Variants in POU6F2 observed in about 807,000 individuals in gnomAD.
The protein encoded by POU6F2 is POU domain, class 6, transcription factor 2.
Under a neutral mutation model 71.3 loss-of-function variants are expected in POU6F2, and 31 were observed. That is an observed-to-expected ratio of 0.43 (90% CI 0.33 to 0.59). The LOEUF is 0.59. Among genes scored for constraint, POU6F2 ranks in the 20% least tolerant of loss-of-function variants. The probability of loss-of-function intolerance (pLI) is 0.04; values close to 1 mark genes in which losing one functional copy is unlikely to be tolerated. For missense variants in POU6F2, 783 were observed against 856.8 expected (o/e 0.91, Z 1.07); for synonymous variants, 347 against 355.7 (o/e 0.98, Z 0.27).
intron 2 of POU6F2, among the ~76,000 whole-genome samples, chr7:39,118,724 T>C (rs1584551662): frequency 1.3e-5 from 2 of 152,208 alleles, no homozygotes; most frequent in Admixed American, 1.3e-4. Context: ...AATTATCAAA[T>C]AAATAATACA....
intron 5 of POU6F2, among the ~76,000 whole-genome samples, chr7:39,372,132 C>T (rs1371384027): frequency 6.6e-6 from 1 of 152,114 alleles, no homozygotes; most frequent in African/African-American, 2.4e-5. Context: ...TGTTGCCCAA[C>T]CTTGTCTCAA....
At chr7:39,284,552 T>C (rs527413618) in intron 4 of POU6F2, among the ~76,000 whole-genome samples, 4 of 152,374 alleles carry the variant, frequency 2.6e-5, no homozygotes, top group Non-Finnish European at 4.4e-5. Context: ...CTGACATACT[T>C]GGTGACAGCA....
At chr7:39,088,636 T>C (rs1791304313) in intron 2 of POU6F2, among the ~76,000 whole-genome samples, 1 of 152,212 alleles carries the variant, frequency 6.6e-6, no homozygotes, top group Non-Finnish European at 1.5e-5. Context: ...CACCGTATTA[T>C]TGAAAATTGG....
At chr7:39,038,159 T>G (rs1014348754) in intron 1 of POU6F2, among the ~76,000 whole-genome samples, 2 of 152,094 alleles carry the variant, frequency 1.3e-5, no homozygotes, top group Non-Finnish European at 2.9e-5. Context: ...ATAGGATTGT[T>G]TCTTCCACTT....
At chr7:39,191,112 A>G (rs922083632) in intron 2 of POU6F2, among the ~76,000 whole-genome samples, 1 of 152,208 alleles carries the variant, frequency 6.6e-6, no homozygotes, top group Admixed American at 6.5e-5. Flanking sequence ...AATGAGTACT[A>G]ACGTATTTTA....
At chr7:39,231,606 G>A (rs867507210) in intron 4 of POU6F2, among the ~76,000 whole-genome samples, 6 of 151,914 alleles carry the variant, frequency 3.9e-5, no homozygotes, top group African/African-American at 1.5e-4. Flanking sequence ...AGAGTTAAGC[G>A]GGTCTCTATG....
chr7:39,026,929 A>G (rs565234118), intron 1 of POU6F2, among the ~76,000 whole-genome samples: 52 of 152,212 alleles, frequency 3.4e-4, no homozygotes, highest in African/African-American at 1.2e-3. Flanking sequence ...GAAATTGCCA[A>G]ACTACATAAC....
intron 1 of POU6F2, among the ~76,000 whole-genome samples, chr7:39,017,859 T>C (rs971023089): frequency 1.3e-5 from 2 of 148,814 alleles, no homozygotes; most frequent in Admixed American, 6.7e-5. Flanking sequence ...GTGGATTTTT[T>C]TCAGAATTAT....
chr7:39,111,742 G>A (rs1351093677), intron 2 of POU6F2, among the ~76,000 whole-genome samples: 1 of 151,990 alleles, frequency 6.6e-6, no homozygotes, highest in Non-Finnish European at 1.5e-5. Flanking sequence ...GAAGATAAAG[G>A]GTTTTACAAT....
Position 39,131,214 on chromosome 7 carries a change from T to G in POU6F2, c.277+45183T>G, listed in dbSNP as rs140585164. Among the ~76,000 whole-genome samples the G allele has an allele frequency of 2.0e-3, 297 of 152,046 alleles. 1 individual carries two copies. The highest frequency in any genetic ancestry group is 7.0e-3 in the African/African-American group (290 of 41,460). The stretch of plus-strand genomic sequence containing the variant: ...TTCCCCTTCCCCTCCTGAACCAGAG[T>G]GGTGATCCACCAGCTGGAATGGCCT... On this transcript the variant is annotated intron_variant, in intron 2 of 9. Transcript: ENST00000518318.
At chr7:39,190,664 G>A (rs1472715805) in intron 2 of POU6F2, among the ~76,000 whole-genome samples, 1 of 117,376 alleles carries the variant, frequency 8.5e-6, no homozygotes, top group Non-Finnish European at 1.6e-5. Context: ...TTTTGATGGA[G>A]TCTCGCTCTG....
chr7:39,362,281 G>GAAA (rs56922701), intron 5 of POU6F2, among the ~76,000 whole-genome samples: 3 of 130,910 alleles, frequency 2.3e-5, no homozygotes, highest in Admixed American at 1.5e-4. Flanking sequence ...TCAATGGCCA[G>GAAA]AAAAAAAAAA....
intron 1 of POU6F2, 67 bp from the exon 2 acceptor site, chr7:39,085,793 G>A (rs1412939265): frequency 1.7e-5 from 26 of 1,487,606 alleles, no homozygotes; most frequent in Non-Finnish European, 2.4e-5. Flanking sequence ...GAGAGGGAGA[G>A]AGAGGACACG....
intron 1 of POU6F2, among the ~76,000 whole-genome samples, chr7:39,059,456 A>G (rs555721823): frequency 6.6e-6 from 1 of 152,032 alleles, no homozygotes; most frequent in East Asian, 1.9e-4. Flanking sequence ...TCAGTTTCCC[A>G]AAACCACAAC....
intron 1 of POU6F2, among the ~76,000 whole-genome samples, chr7:38,995,551 G>A (rs1788712315): frequency 6.6e-6 from 1 of 152,046 alleles, no homozygotes; most frequent in Non-Finnish European, 1.5e-5. Context: ...GCTACAGAGG[G>A]AGAAATTCCC....
chr7:39,111,761 G>A (rs1291801860), intron 2 of POU6F2, among the ~76,000 whole-genome samples: 4 of 152,068 alleles, frequency 2.6e-5, no homozygotes, highest in East Asian at 1.9e-4. Flanking sequence ...ATTATATCAC[G>A]CAAGGACTGA....
chr7:39,001,376 G>GA (rs1276631259), intron 1 of POU6F2, among the ~76,000 whole-genome samples: 21 of 152,092 alleles, frequency 1.4e-4, no homozygotes, highest in African/African-American at 5.1e-4. Flanking sequence ...CTATCCTGGG[G>GA]ATAGAAGATT....
At chr7:39,274,001 A>G (rs1359285047) in intron 4 of POU6F2, among the ~76,000 whole-genome samples, 2 of 152,210 alleles carry the variant, frequency 1.3e-5, no homozygotes, top group Admixed American at 1.3e-4. Flanking sequence ...TTTTTAACAA[A>G]TTTAATTTAT....
rs1491368695 is a variant in POU6F2 at position 39,458,384 on chromosome 7, GCT to G, written c.1490-2162_1490-2161del. Among the ~76,000 whole-genome samples, 34 of 151,574 alleles carry G rather than the reference GCT, an allele frequency of 2.2e-4. No individual in the cohort carries two copies. The South Asian group carries it at 2.5e-3, about 11-fold the overall frequency. ...AATAAATGTTTACATGTTAGCAAGT[GCT>G]TTTTTTTTTATGTAAACACTAGGAA... On this transcript the variant is annotated intron_variant, in intron 8 of 9. Transcript: ENST00000518318.
Sources: allele counts gnomAD v4.1 joint callset (sites outside exome capture counted in the v4.1 genomes callset), GRCh38; gene constraint gnomAD v4.1.1; transcripts MANE v1.5; gene names NCBI Gene and HGNC (gene_info 2026-07-23, HGNC 2026-07-21).